TMEM177: variants seen among roughly 807,000 people sequenced by gnomAD.
The protein encoded by TMEM177 is transmembrane protein 177.
TMEM177 carries 4 observed loss-of-function variants against 14.2 expected under a neutral mutation model. The observed-to-expected ratio is 0.28, with a 90% CI of 0.14 to 0.64. The LOEUF (loss-of-function observed/expected upper bound fraction) is 0.64. TMEM177 is among the 30% of genes least tolerant of loss of function. The pLI, the probability that TMEM177 is intolerant of heterozygous loss-of-function variation, is 0.82. For missense variants in TMEM177, 344 were observed against 405.2 expected (o/e 0.85, Z 1.30); for synonymous variants, 179 against 174.5 (o/e 1.03, Z -0.20).
At chr2:119,708,668 C>CACACACAT in the TMEM177 span, among the ~76,000 whole-genome samples, 1 of 150,752 alleles carries the variant, frequency 6.6e-6, no homozygotes, top group Non-Finnish European at 1.5e-5. Flanking sequence ...CACACACACA[C>CACACACAT]ACACACATAC....
chr2:119,721,603 G>A, the TMEM177 span, among the ~76,000 whole-genome samples: 2 of 152,192 alleles, frequency 1.3e-5, no homozygotes, highest in Admixed American at 1.3e-4. Context: ...GGCATTTGAA[G>A]TGAAACAGTC....
At chr2:119,690,841 T>C (rs1206412655), downstream of TMEM177, among the ~76,000 whole-genome samples, 1 of 152,184 alleles carries the variant, frequency 6.6e-6, no homozygotes, top group Non-Finnish European at 1.5e-5. Flanking sequence ...ACTGGCTTGG[T>C]TTTCCAAGAC....
chr2:119,717,605 C>CTTTTTT, the TMEM177 span, among the ~76,000 whole-genome samples: 302 of 88,442 alleles, frequency 3.4e-3, 6 homozygotes, highest in Non-Finnish European at 4.4e-3. Flanking sequence ...TGACTTGAGT[C>CTTTTTT]TTTTTTTTTT....
At chr2:119,712,174 C>T in the TMEM177 span, among the ~76,000 whole-genome samples, 1 of 151,502 alleles carries the variant, frequency 6.6e-6, no homozygotes. Flanking sequence ...TCTTTGGGCC[C>T]GTTTCTTTAT....
At chr2:119,693,901 CACATCACATACACATCACACAT>C in the TMEM177 span, among the ~76,000 whole-genome samples, 1 of 3,264 alleles carries the variant, frequency 3.1e-4, no homozygotes, top group African/African-American at 1.2e-3. Flanking sequence ...ACATACACCA[CACATCACATACACATCACACAT>C]GCCACACACA....
rs1688872547 is a variant in TMEM177, at chr2:119,680,754, G to A, written c.-22-78G>A. Reference sequence around the variant, plus strand: ...TGCTGTGTTACTTTGGTTTAAAAAGGTGGTGTGGACCCTGGAGGATGTTCA... The same window carrying A: ...TGCTGTGTTACTTTGGTTTAAAAAGATGGTGTGGACCCTGGAGGATGTTCA... On this transcript the variant is annotated intron_variant, in intron 1 of 1. Transcript: ENST00000272521. 3.5e-6 allele frequency: 4 copies of A among 1,153,674 alleles called. No individual in the cohort carries two copies. The African/African-American group carries it at 6.2e-5, about 18-fold the overall frequency. The allele number at this position is 1,153,674 out of a possible 1,614,324, so 71.5% of individuals were successfully genotyped here. A position where few individuals can be genotyped will look rare whatever the true frequency, so the allele number is the denominator to read the frequency against.
rs766066100 is a variant in TMEM177 at position 119,681,687 on chromosome 2, C to G, written c.834C>G (p.Ile278Met). The change falls in exon 2 of 2, where the codon ATC (isoleucine) becomes ATG (methionine). Residue 278 changes from isoleucine to methionine, a missense_variant. Physicochemically the swap from Ile to Met is conservative, Grantham distance 10 (BLOSUM62 1). Coordinates refer to ENST00000272521, the MANE Select transcript of TMEM177 (RefSeq NM_030577.3). ...AGCTGTATACACCCAGCGGGAACAT[C>G]GTCCCCAGACACTTGTTCCGAATCA... ...GEKLYTPSGN[I>M]VPRHLFRIKH... The G allele has an allele frequency of 5.0e-6, 8 of 1,614,170 alleles. No homozygotes were observed. The highest frequency in any genetic ancestry group is 6.8e-6 in the Non-Finnish European group (8 of 1,180,032).
the TMEM177 span, among the ~76,000 whole-genome samples, chr2:119,718,035 T>TG: frequency 6.6e-6 from 1 of 152,148 alleles, no homozygotes; most frequent in African/African-American, 2.4e-5. Context: ...CTAGGGGGTC[T>TG]TCAGCACCAA....
At chr2:119,708,893 A>G in the TMEM177 span, among the ~76,000 whole-genome samples, 4 of 152,148 alleles carry the variant, frequency 2.6e-5, no homozygotes, top group Non-Finnish European at 5.9e-5. Context: ...TGTTTTCCTC[A>G]TACTAGGTAA....
chr2:119,689,481 CAAT>C (rs1279715930), downstream of TMEM177, among the ~76,000 whole-genome samples: 1 of 152,216 alleles, frequency 6.6e-6, no homozygotes, highest in Non-Finnish European at 1.5e-5. Context: ...AAGTCAACAA[CAAT>C]AATACCAAAC....
the TMEM177 span, among the ~76,000 whole-genome samples, chr2:119,692,780 CTGACCAACA>C: frequency 1.3e-5 from 2 of 152,178 alleles, no homozygotes; most frequent in East Asian, 1.9e-4. Flanking sequence ...TGAGACCAGC[CTGACCAACA>C]TGGTGAAACC....
the TMEM177 span, among the ~76,000 whole-genome samples, chr2:119,722,767 A>T: frequency 6.6e-6 from 1 of 152,234 alleles, no homozygotes; most frequent in Non-Finnish European, 1.5e-5. Flanking sequence ...CTGGGGGGTG[A>T]GTGCAGTGCT....
chr2:119,690,741 C>G (rs1689080833), downstream of TMEM177, among the ~76,000 whole-genome samples: 1 of 152,250 alleles, frequency 6.6e-6, no homozygotes, highest in African/African-American at 2.4e-5. Context: ...CCCCTTGACG[C>G]TGGCTCGCTA....
chr2:119,685,521 C>T (rs1688999220), downstream of TMEM177: 2 of 624,410 alleles, frequency 3.2e-6, no homozygotes, highest in Non-Finnish European at 5.7e-6. Context: ...TGCCTGTCTC[C>T]TCCCCACCAT....
chr2:119,716,027 A>G, the TMEM177 span, among the ~76,000 whole-genome samples: 1 of 152,216 alleles, frequency 6.6e-6, no homozygotes, highest in African/African-American at 2.4e-5. Flanking sequence ...TCCACTGGGG[A>G]AACAGCAGGA....
At chr2:119,693,608 G>A in the TMEM177 span, among the ~76,000 whole-genome samples, 3 of 152,134 alleles carry the variant, frequency 2.0e-5, no homozygotes, top group Non-Finnish European at 2.9e-5. Context: ...GTGTCCTAGA[G>A]GTCAAGATTC....
the TMEM177 span, among the ~76,000 whole-genome samples, chr2:119,711,750 T>A: frequency 6.6e-6 from 1 of 152,098 alleles, no homozygotes; most frequent in Non-Finnish European, 1.5e-5. Flanking sequence ...AAAAGCAAAC[T>A]GAGGACTCTT....
downstream of TMEM177, chr2:119,685,538 A>G (rs1688999445): frequency 1.6e-6 from 1 of 624,474 alleles, no homozygotes; most frequent in Non-Finnish European, 2.9e-6. Flanking sequence ...CCATGTCCCT[A>G]TAGTAACATA....
At chr2:119,718,844 C>T in the TMEM177 span, among the ~76,000 whole-genome samples, 2 of 152,186 alleles carry the variant, frequency 1.3e-5, no homozygotes, top group South Asian at 4.1e-4. Context: ...CCAGTCTCCC[C>T]ACCTTCATTG....
Sources: gnomAD v4.1 joint callset for allele counts (sites outside exome capture counted in the v4.1 genomes callset) on GRCh38, gnomAD v4.1.1 for gene constraint, MANE v1.5 for transcripts, NCBI Gene and HGNC (gene_info 2026-07-23, HGNC 2026-07-21) for gene names.